The following RABGAP1L variants were observed in gnomAD, a reference collection of about 807,000 sequenced individuals.
RABGAP1L encodes the protein RAB GTPase activating protein 1 like, also known as rab GTPase-activating protein 1-like.
In RABGAP1L, 63 loss-of-function variants were observed where a neutral mutation model predicts 137.7. The ratio of observed to expected loss-of-function variants is 0.46; its 90% confidence interval spans 0.37 to 0.56. RABGAP1L has a LOEUF of 0.56. Ranked by LOEUF, RABGAP1L falls within the 20% of genes least tolerant of loss-of-function variation. The probability of loss-of-function intolerance (pLI) is 0.00; values close to 1 mark genes in which losing one functional copy is unlikely to be tolerated. For synonymous variants in RABGAP1L, 431 were observed against 433.7 expected, an observed-to-expected ratio of 0.99 and a Z score of 0.08; for missense variants, 1,095 against 1,244.0, an observed-to-expected ratio of 0.88 and a Z score of 1.80.
At chr1:174,983,379 A>G (rs916946278) in intron 24 of RABGAP1L, among the ~76,000 whole-genome samples, 2 of 152,228 alleles carry the variant, frequency 1.3e-5, no homozygotes, top group Admixed American at 1.3e-4. Flanking sequence ...TTATTTTTAA[A>G]GAAAACCTGT....
chr1:174,458,570 C>T (rs1029922069), intron 13 of RABGAP1L, among the ~76,000 whole-genome samples: 3 of 151,966 alleles, frequency 2.0e-5, no homozygotes, highest in African/African-American at 4.8e-5. Context: ...CAGCTATATA[C>T]CTGTCTGTAA....
In RABGAP1L at chr1:174,241,466, T is replaced by C. The variant is rs1298130837; in HGVS notation, c.543-17T>C. The C allele has an allele frequency of 3.4e-6, 5 of 1,464,010 alleles. No homozygotes were observed. In the East Asian group the frequency reaches 1.2e-4, roughly 35 times the overall value. The allele number at this position is 1,464,010 out of a possible 1,614,324, so 90.7% of individuals were successfully genotyped here. On this transcript the variant is annotated splice_polypyrimidine_tract_variant and intron_variant, in intron 4 of 25. Coordinates refer to ENST00000681986, the MANE Select transcript of RABGAP1L (RefSeq NM_001366446.1). The stretch of plus-strand genomic sequence containing the variant: ...GAGAATTAATATTTTATCTAACTTT[T>C]CATTACTGTTCTACAGAATTATAGA...
intron 13 of RABGAP1L, among the ~76,000 whole-genome samples, chr1:174,588,212 G>A (rs968963777): frequency 2.1e-4 from 32 of 151,458 alleles, no homozygotes; most frequent in Non-Finnish European, 1.8e-4. Flanking sequence ...CACCCAGGCT[G>A]GAATGTAGTG....
At chr1:174,623,997 C>G (rs1159603590) in intron 13 of RABGAP1L, among the ~76,000 whole-genome samples, 3 of 152,232 alleles carry the variant, frequency 2.0e-5, no homozygotes, top group Admixed American at 6.5e-5. Flanking sequence ...ACTTCAGAGA[C>G]TATGACAGAT....
intron 19 of RABGAP1L, among the ~76,000 whole-genome samples, chr1:174,837,131 C>T (rs551270672): frequency 1.3e-5 from 2 of 151,470 alleles, no homozygotes; most frequent in South Asian, 2.1e-4. Flanking sequence ...CACTTGAACC[C>T]GGGAGGGAGA....
At chr1:174,900,531 A>T (rs898452099) in intron 19 of RABGAP1L, among the ~76,000 whole-genome samples, 2 of 152,216 alleles carry the variant, frequency 1.3e-5, no homozygotes, top group Non-Finnish European at 2.9e-5. Context: ...TTGCAAAGCC[A>T]TTCACATTCC....
At chr1:174,804,264 G>GTT (rs1264970694) in intron 18 of RABGAP1L, among the ~76,000 whole-genome samples, 2 of 49,610 alleles carry the variant, frequency 4.0e-5, no homozygotes, top group African/African-American at 7.7e-5. Context: ...TGTTTGTTTT[G>GTT]TTTTGTTTTG....
At chr1:174,234,661 T>G (rs986179468) in intron 4 of RABGAP1L, among the ~76,000 whole-genome samples, 117 of 151,800 alleles carry the variant, frequency 7.7e-4, no homozygotes, top group Admixed American at 1.6e-3. Context: ...GCTGTTTTGG[T>G]TACTGTAGCC....
At chr1:174,603,779 C>T (rs1269935440) in intron 13 of RABGAP1L, among the ~76,000 whole-genome samples, 2 of 151,956 alleles carry the variant, frequency 1.3e-5, no homozygotes, top group African/African-American at 2.4e-5. Context: ...GCCGCCAGAA[C>T]TGGGTTCTCC....
intron 13 of RABGAP1L, among the ~76,000 whole-genome samples, chr1:174,550,921 C>CACAT (rs1467484298): frequency 1.1e-5 from 1 of 90,952 alleles, no homozygotes; most frequent in African/African-American, 6.5e-5. Context: ...CACACACACA[C>CACAT]ATATATATAT....
intron 10 of RABGAP1L, among the ~76,000 whole-genome samples, chr1:174,280,089 G>C (rs1008204487): frequency 3.4e-5 from 5 of 146,952 alleles, no homozygotes; most frequent in Admixed American, 6.7e-5. Flanking sequence ...GAGAGAGAGA[G>C]AGACATTAAA....
In RABGAP1L at chr1:174,231,171, C is replaced by G. The variant is rs751228276; in HGVS notation, c.358C>G (p.Pro120Ala). The change falls in exon 4 of 26, where the codon CCA (proline) becomes GCA (alanine). Residue 120 changes from proline to alanine, a missense_variant. Physicochemically the swap from Pro to Ala is conservative, Grantham distance 27 (BLOSUM62 -1). Transcript: ENST00000681986. ...AATTTCTACACCCAGACCATCTTCT[C>G]CAGGTGGACTACCTGAAGAAGATAG... Reference protein sequence around the residue: ...TEISTPRPSSPGGLPEEDSVL... With the variant: ...TEISTPRPSSAGGLPEEDSVL... 18 of 1,612,536 alleles carry G rather than the reference C, an allele frequency of 1.1e-5. No homozygotes were observed. The South Asian group carries it at 1.9e-4, about 17-fold the overall frequency.
chr1:174,813,155 T>C (rs1179133489), intron 19 of RABGAP1L, among the ~76,000 whole-genome samples: 1 of 152,042 alleles, frequency 6.6e-6, no homozygotes, highest in African/African-American at 2.4e-5. Context: ...AAAACAACCA[T>C]AGGAAGGTAA....
At chr1:174,634,136 C>T (rs1346221142) in intron 13 of RABGAP1L, among the ~76,000 whole-genome samples, 3 of 131,606 alleles carry the variant, frequency 2.3e-5, no homozygotes, top group Non-Finnish European at 4.8e-5. Flanking sequence ...ACCTACTCAT[C>T]TGACAAAGGG....
intron 13 of RABGAP1L, among the ~76,000 whole-genome samples, chr1:174,550,949 CAT>C (rs1326219208): frequency 3.1e-4 from 34 of 108,090 alleles, no homozygotes; most frequent in South Asian, 5.1e-4. Context: ...TATATACACA[CAT>C]ATATATACAC....
chr1:174,958,576 T>C (rs181603207), intron 20 of RABGAP1L, among the ~76,000 whole-genome samples: 5 of 152,280 alleles, frequency 3.3e-5, no homozygotes, highest in Admixed American at 2.6e-4. Flanking sequence ...ATCACCCACA[T>C]TGGGATGACT....
intron 13 of RABGAP1L, among the ~76,000 whole-genome samples, chr1:174,538,378 G>A (rs1490189591): frequency 1.3e-5 from 2 of 152,058 alleles, no homozygotes; most frequent in African/African-American, 4.8e-5. Context: ...TTCTCTGCCA[G>A]AATATAAACT....
At chr1:174,903,074 T>C (rs907110175) in intron 19 of RABGAP1L, among the ~76,000 whole-genome samples, 2 of 152,236 alleles carry the variant, frequency 1.3e-5, no homozygotes, top group Admixed American at 1.3e-4. Context: ...TAATTTTTTT[T>C]CCATTGTGTG....
chr1:174,942,531 A>C (rs947016313), intron 19 of RABGAP1L, among the ~76,000 whole-genome samples: 2 of 152,214 alleles, frequency 1.3e-5, no homozygotes, highest in African/African-American at 4.8e-5. Context: ...ATTAATCCCC[A>C]CTTTACTAGC....
Sources: gnomAD v4.1 joint callset for allele counts (sites outside exome capture counted in the v4.1 genomes callset) on GRCh38, gnomAD v4.1.1 for gene constraint, MANE v1.5 for transcripts, NCBI Gene and HGNC (gene_info 2026-07-23, HGNC 2026-07-21) for gene names.